The following NCALD variants were observed in gnomAD, a reference collection of about 807,000 sequenced individuals.
The protein encoded by NCALD is neurocalcin-delta.
Under a neutral mutation model 18.6 loss-of-function variants are expected in NCALD, and 10 were observed. That is an observed-to-expected ratio of 0.54 (90% CI 0.33 to 0.91). NCALD has a LOEUF of 0.91. NCALD is among the 40% of genes least tolerant of loss of function. The pLI is 0.03. For synonymous variants in NCALD, 88 were observed against 87.4 expected (o/e 1.01, Z -0.04); for missense variants, 184 against 247.6 (o/e 0.74, Z 1.72).
intron 2 of NCALD, among the ~76,000 whole-genome samples, chr8:101,968,353 T>G (rs1317442284): frequency 6.6e-6 from 1 of 152,194 alleles, no homozygotes; most frequent in Non-Finnish European, 1.5e-5. Flanking sequence ...ATATAGCCCC[T>G]TGTACCTTAA....
At chr8:102,117,344 C>G (rs954558650) in intron 1 of NCALD, among the ~76,000 whole-genome samples, 1 of 152,206 alleles carries the variant, frequency 6.6e-6, no homozygotes, top group African/African-American at 2.4e-5. Context: ...CCAGATGAGT[C>G]TAATCCCTTT....
chr8:101,926,153 A>C (rs963507113), intron 2 of NCALD, among the ~76,000 whole-genome samples: 8 of 152,208 alleles, frequency 5.3e-5, no homozygotes, highest in African/African-American at 1.7e-4. Context: ...ATCTGCAGCC[A>C]ACAAGAACAA....
chr8:101,717,022 A>G (rs779288194), intron 2 of NCALD, among the ~76,000 whole-genome samples: 6 of 152,298 alleles, frequency 3.9e-5, no homozygotes, highest in Non-Finnish European at 5.9e-5. Context: ...TTTTAGCCCA[A>G]TGAAACTGAT....
At position 101,870,115 on chromosome 8, in the gene NCALD, G is replaced by T. The variant is rs377702986; in HGVS notation, c.-20+17026C>A. 2.6e-5 allele frequency among the ~76,000 whole-genome samples: 4 copies of T among 152,180 alleles called. No homozygotes were observed. The East Asian group carries it at 7.7e-4, about 29-fold the overall frequency. On this transcript the variant is annotated intron_variant, in intron 4 of 6. Transcript: ENST00000311028. ...TGGGCACAATACTAACTCACCAGAC[G>T]AAGAGGGGACTCAATTAGGTGTTGT...
intron 2 of NCALD, among the ~76,000 whole-genome samples, chr8:101,974,744 C>G (rs187591864): frequency 1.2e-4 from 18 of 152,176 alleles, no homozygotes; most frequent in African/African-American, 4.3e-4. Context: ...AACAACATGC[C>G]GACAAGGGGT....
intron 2 of NCALD, among the ~76,000 whole-genome samples, chr8:101,994,058 C>A (rs559931543): frequency 1.3e-5 from 2 of 152,302 alleles, no homozygotes; most frequent in South Asian, 4.2e-4. Flanking sequence ...TTCACCAAAG[C>A]AATTGCCATA....
At chr8:102,074,371 T>C (rs1462300906) in intron 1 of NCALD, among the ~76,000 whole-genome samples, 1 of 152,142 alleles carries the variant, frequency 6.6e-6, no homozygotes, top group Admixed American at 6.5e-5. Flanking sequence ...TACAGTCTGG[T>C]ATCTGTGGGT....
chr8:101,824,220 G>A (rs1813838443), intron 4 of NCALD, among the ~76,000 whole-genome samples: 1 of 152,148 alleles, frequency 6.6e-6, no homozygotes, highest in Admixed American at 6.5e-5. Flanking sequence ...GGCAGTATTT[G>A]TTACTATCAG....
intron 2 of NCALD, among the ~76,000 whole-genome samples, chr8:101,702,097 C>T (rs557933068): frequency 2.5e-4 from 38 of 152,088 alleles, no homozygotes; most frequent in Non-Finnish European, 1.9e-4. Context: ...CCTTTTCAAC[C>T]GAGCAGTTCC....
intron 3 of NCALD, chr8:101,915,571 G>A (rs1041978634): frequency 1.3e-5 from 2 of 152,178 alleles, no homozygotes; most frequent in Non-Finnish European, 2.9e-5. Flanking sequence ...TTATTATGCT[G>A]TAAGTAATAT....
intron 1 of NCALD, among the ~76,000 whole-genome samples, chr8:101,781,355 A>G (rs1201856116): frequency 6.6e-6 from 1 of 152,112 alleles, no homozygotes; most frequent in African/African-American, 2.4e-5. Flanking sequence ...ATTTTAAATA[A>G]CTTAAGTATA....
chr8:101,749,458 A>G (rs763304112), intron 1 of NCALD, among the ~76,000 whole-genome samples: 1 of 152,202 alleles, frequency 6.6e-6, no homozygotes, highest in African/African-American at 2.4e-5. Flanking sequence ...CTATTACAGA[A>G]TAATTAATCA....
intron 4 of NCALD, among the ~76,000 whole-genome samples, chr8:101,871,142 T>C (rs1050197342): frequency 3.3e-5 from 5 of 152,158 alleles, no homozygotes; most frequent in South Asian, 2.1e-4. Flanking sequence ...CAGTAATTGA[T>C]AGTATTCCTG....
At chr8:101,980,873 T>C (rs1245068275) in intron 2 of NCALD, among the ~76,000 whole-genome samples, 3 of 152,334 alleles carry the variant, frequency 2.0e-5, no homozygotes, top group Admixed American at 1.3e-4. Context: ...GCTTTTCTTC[T>C]GTCATCCCTA....
chr8:101,711,507 A>C (rs143414648), intron 2 of NCALD, among the ~76,000 whole-genome samples: 3,926 of 152,126 alleles, frequency 0.026, 133 homozygotes, highest in African/African-American at 0.078. Context: ...CAATGCAAGG[A>C]AGCTAAGAAC....
chr8:102,036,137 A>AT (rs1229036535), intron 1 of NCALD, among the ~76,000 whole-genome samples: 43 of 150,954 alleles, frequency 2.8e-4, no homozygotes, highest in Middle Eastern at 3.4e-3. Context: ...AAATAAATAA[A>AT]TAAATAAATT....
chr8:102,048,906 A>G (rs1042862613), intron 1 of NCALD, among the ~76,000 whole-genome samples: 3 of 152,168 alleles, frequency 2.0e-5, no homozygotes, highest in Admixed American at 2.0e-4. Flanking sequence ...TTTCCTTACT[A>G]CTTTCCTTAA....
chr8:101,905,707 C>G (rs62518469), intron 3 of NCALD, among the ~76,000 whole-genome samples: 14,775 of 152,244 alleles, frequency 0.097, 755 homozygotes, highest in East Asian at 0.18. Context: ...TGACTGGCTA[C>G]TGGTTAAAGT....
At chr8:101,964,760 T>C (rs932023680) in intron 2 of NCALD, among the ~76,000 whole-genome samples, 5 of 152,174 alleles carry the variant, frequency 3.3e-5, no homozygotes, top group Admixed American at 1.3e-4. Context: ...ATAAGGACAG[T>C]CAAGGATTCG....
Sources: allele counts gnomAD v4.1 joint callset (sites outside exome capture counted in the v4.1 genomes callset), GRCh38; gene constraint gnomAD v4.1.1; transcripts MANE v1.5; gene names NCBI Gene and HGNC (gene_info 2026-07-23, HGNC 2026-07-21).